The following IHO1 variants were observed in gnomAD, a reference collection of about 807,000 sequenced individuals.
The protein encoded by IHO1 is interactor of HORMAD1 protein 1.
IHO1 carries 13 observed loss-of-function variants against 31.0 expected under a neutral mutation model. The ratio of observed to expected loss-of-function variants is 0.42; its 90% CI spans 0.27 to 0.67. IHO1 has a LOEUF of 0.67. Ranked by LOEUF, IHO1 falls within the 30% of genes least tolerant of loss-of-function variation. The pLI, the probability that IHO1 is intolerant of heterozygous loss-of-function variation, is 0.24. For missense variants in IHO1, 599 were observed against 687.5 expected (o/e 0.87, Z 1.44); for synonymous variants, 221 against 248.4 (o/e 0.89, Z 1.04).
chr3:49,200,517 A>AGG (rs1186974356), intron 1 of IHO1: 1 of 944,426 alleles, frequency 1.1e-6, no homozygotes, highest in South Asian at 5.0e-5. Flanking sequence ...GAAAGAAAGA[A>AGG]AAGAAAAAAG....
chr3:49,224,890 G>C (rs770406321), intron 2 of IHO1, among the ~76,000 whole-genome samples: 1 of 152,204 alleles, frequency 6.6e-6, no homozygotes, highest in Non-Finnish European at 1.5e-5. Context: ...TCAAGGAGTA[G>C]CACCTGGTAT....
intron 2 of IHO1, among the ~76,000 whole-genome samples, chr3:49,225,169 A>G (rs1339656979): frequency 1.3e-5 from 2 of 152,214 alleles, no homozygotes; most frequent in Admixed American, 1.3e-4. Flanking sequence ...TCTGTGATGT[A>G]TAAAGAGAAG....
At chr3:49,198,734 G>A (rs966385757), upstream of IHO1, 10 of 152,328 alleles carry the variant, frequency 6.6e-5, no homozygotes, top group African/African-American at 9.7e-5. Context: ...CTGGTCTCAA[G>A]CATGTTTTTT....
At position 49,257,493 on chromosome 3, in the gene IHO1, G is replaced by C; in HGVS notation, c.*211G>C. 1.9e-6 allele frequency: 1 copy of C among 534,280 alleles called. No individual in the cohort carries two copies. The highest frequency in any genetic ancestry group is 3.3e-6 in the Non-Finnish European group (1 of 300,326). The allele number at this position is 534,280 out of a possible 1,614,324, so 33.1% of individuals were successfully genotyped here. On this transcript the variant is annotated 3_prime_UTR_variant, in exon 8 of 8. Transcript: ENST00000452691. ...AGGATTAAGTGCATCCTTATTTATTGGAATGAAATGTGAAAATGGTGCTGA... is the reference window on the plus strand; with the variant it reads ...AGGATTAAGTGCATCCTTATTTATTCGAATGAAATGTGAAAATGGTGCTGA...
At chr3:49,199,672 C>G (rs146194110) in intron 1 of IHO1, 99 bp downstream of exon 1, 2 of 152,282 alleles carry the variant, frequency 1.3e-5, no homozygotes, top group African/African-American at 4.8e-5. Flanking sequence ...AGGATACCAG[C>G]GGTCCTCCCG....
At chr3:49,194,208 C>T (rs2045983093), upstream of IHO1, among the ~76,000 whole-genome samples, 1 of 145,974 alleles carries the variant, frequency 6.9e-6, no homozygotes, top group South Asian at 2.2e-4. Flanking sequence ...GCAGAGGTTG[C>T]AGTGAGTCGA....
chr3:49,237,816 A>G (rs1025802667), intron 3 of IHO1, among the ~76,000 whole-genome samples: 2 of 142,934 alleles, frequency 1.4e-5, no homozygotes, highest in Non-Finnish European at 3.0e-5. Flanking sequence ...GGCCTAGGTT[A>G]GTGAGTAAAG....
At chr3:49,222,104 T>G (rs1402547251) in intron 2 of IHO1, among the ~76,000 whole-genome samples, 2 of 152,238 alleles carry the variant, frequency 1.3e-5, no homozygotes, top group Non-Finnish European at 2.9e-5. Flanking sequence ...CGTCATTTCT[T>G]GCAAACTGTC....
At chr3:49,252,566 A>G (rs2046773099) in intron 6 of IHO1, among the ~76,000 whole-genome samples, 1 of 151,966 alleles carries the variant, frequency 6.6e-6, no homozygotes, top group South Asian at 2.1e-4. Flanking sequence ...CCACAGGCAC[A>G]TACCACCCCA....
At chr3:49,247,591 C>A (rs554169941) in intron 6 of IHO1, among the ~76,000 whole-genome samples, 1 of 151,088 alleles carries the variant, frequency 6.6e-6, no homozygotes, top group African/African-American at 2.4e-5. Context: ...GAGTTTGAGA[C>A]CAGCCTGGGA....
intron 2 of IHO1, among the ~76,000 whole-genome samples, chr3:49,226,789 G>A (rs2046424235): frequency 6.6e-6 from 1 of 152,160 alleles, no homozygotes; most frequent in Non-Finnish European, 1.5e-5. Flanking sequence ...AAACCCTGTA[G>A]GACATCTATA....
At chr3:49,228,801 A>G (rs976430185) in intron 2 of IHO1, among the ~76,000 whole-genome samples, 2 of 152,140 alleles carry the variant, frequency 1.3e-5, no homozygotes, top group African/African-American at 4.8e-5. Flanking sequence ...CAGCAGCAAG[A>G]TTTATTGTGA....
intron 4 of IHO1, among the ~76,000 whole-genome samples, chr3:49,242,233 G>A (rs1186311763): frequency 5.3e-5 from 8 of 151,992 alleles, no homozygotes; most frequent in Non-Finnish European, 8.8e-5. Flanking sequence ...ATGAGCCACC[G>A]CAGTCTTCCC....
Position 49,208,745 on chromosome 3 carries a change from T to C in IHO1, c.-15-3021T>C, listed in dbSNP as rs75840552. ...AAAGAACTTGCTTACTTTGCTCCTA[T>C]TCTGTTTTCCCCACTTATGCTGTCC... On this transcript the variant is annotated intron_variant, in intron 1 of 7. Transcript: ENST00000452691. Among the ~76,000 whole-genome samples, 259 of 152,304 alleles carry C rather than the reference T, an allele frequency of 1.7e-3. 1 individual carries two copies. Among genetic ancestry groups the C allele is most frequent in the Non-Finnish European group, 2.8e-3 (191 of 68,028 alleles).
At position 49,255,474 on chromosome 3, in the gene IHO1, TGAA is replaced by T; in HGVS notation, c.621_623del (p.Lys208del). 2 of 1,601,004 alleles carry T rather than the reference TGAA, an allele frequency of 1.2e-6. No individual in the cohort carries two copies. The highest frequency in any genetic ancestry group is 8.5e-7 in the Non-Finnish European group (1 of 1,176,446). Reference sequence around the variant, plus strand: ...AACATGGAGCAGGCCATCCTTGAGATGAAGAAAAGATTTGAAGCTGTAAGTGTA... The same window carrying T: ...AACATGGAGCAGGCCATCCTTGAGATGAAAAGATTTGAAGCTGTAAGTGTA... On this transcript the variant is annotated inframe_deletion, in exon 7 of 8. Transcript: ENST00000452691.
intron 6 of IHO1, among the ~76,000 whole-genome samples, chr3:49,252,576 A>G (rs1350522079): frequency 6.6e-6 from 1 of 151,664 alleles, no homozygotes; most frequent in Non-Finnish European, 1.5e-5. Flanking sequence ...ATACCACCCC[A>G]CCCAGCTAAT....
intron 2 of IHO1, among the ~76,000 whole-genome samples, chr3:49,229,524 G>C (rs1232574952): frequency 6.6e-6 from 1 of 152,198 alleles, no homozygotes; most frequent in Non-Finnish European, 1.5e-5. Flanking sequence ...TGTAGAAATG[G>C]GGAAAGTGAA....
intron 2 of IHO1, among the ~76,000 whole-genome samples, chr3:49,231,696 C>T (rs1302276264): frequency 6.6e-6 from 1 of 152,190 alleles, no homozygotes; most frequent in East Asian, 1.9e-4. Context: ...CATATTAGGG[C>T]TCATATGCCT....
At chr3:49,194,303 T>G (rs1475542257), upstream of IHO1, among the ~76,000 whole-genome samples, 211 of 118,024 alleles carry the variant, frequency 1.8e-3, 8 homozygotes, top group East Asian at 0.037. Context: ...TATATATATA[T>G]ATATATATAT....
Sources: gnomAD v4.1 joint callset for allele counts (sites outside exome capture counted in the v4.1 genomes callset) on GRCh38, gnomAD v4.1.1 for gene constraint, MANE v1.5 for transcripts, NCBI Gene and HGNC (gene_info 2026-07-23, HGNC 2026-07-21) for gene names.